Variants in TSC2 observed in about 807,000 individuals in gnomAD.
The protein encoded by TSC2 is TSC complex subunit 2, also known as tuberin.
TSC2 carries 29 observed loss-of-function variants against 202.2 expected under a neutral mutation model. The observed-to-expected ratio is 0.14, with a 90% CI of 0.11 to 0.20. The LOEUF is 0.20. TSC2 is among the 10% of genes least tolerant of loss of function. The pLI, the probability that TSC2 is intolerant of heterozygous loss-of-function variation, is 1.00. For missense variants in TSC2, 2,429 were observed against 2,420.0 expected (o/e 1.00, Z -0.08); for synonymous variants, 1,349 against 1,044.0 (o/e 1.29, Z -5.63).
chr16:2,078,602 C>T lies in TSC2; in HGVS notation c.2967-430C>T, dbSNP rs181932241. 1,035 of 279,202 alleles carry T rather than the reference C, an allele frequency of 3.7e-3. 7 individuals carry two copies. The highest frequency in any genetic ancestry group is 0.021 in the African/African-American group (958 of 45,384). 17.3% of individuals were successfully genotyped at this position (279,202 alleles called of 1,614,324 possible). On this transcript the variant is annotated intron_variant, in intron 26 of 41. Coordinates refer to ENST00000219476, the MANE Select transcript of TSC2 (RefSeq NM_000548.5). ...TGGAGCTCAGGCAGCCGCTCGCCTG[C>T]CTGAGGGTGACGGTGGAAGGCCACA... is the stretch of plus-strand genomic sequence containing the variant.
rs746246149 is a variant in TSC2, at chr16:2,084,977, C to A, written c.4520C>A (p.Ser1507Tyr). Reference protein sequence around the residue: ...PSFVFLQLYHSPFFGDESNKP... With the variant: ...PSFVFLQLYHYPFFGDESNKP... ...TTCGTGTTCCTGCAGCTCTACCATT[C>A]CCCCTTCTTTGGCGACGAGTCAAAC... The change falls in exon 35 of 42, where the codon TCC becomes TAC. Residue 1507 changes from serine to tyrosine, a missense_variant. By Grantham distance (144) the Ser-to-Tyr change is moderately radical. Coordinates refer to ENST00000219476, the MANE Select transcript of TSC2 (RefSeq NM_000548.5). The A allele has an allele frequency of 1.1e-5, 17 of 1,613,238 alleles. No individual in the cohort carries two copies. In the African/African-American group the frequency reaches 1.7e-4, roughly 16 times the overall value.
chr16:2,063,961 G>T (rs1030532449), intron 14 of TSC2: 3 of 479,518 alleles, frequency 6.3e-6, no homozygotes, highest in South Asian at 2.0e-5. Flanking sequence ...TGTGGGAGGG[G>T]TTCTCGGCTG....
rs2088701360 is a variant in TSC2, at chr16:2,072,952, C to G, written c.2324C>G (p.Ser775Cys). The G allele has an allele frequency of 2.5e-6, 4 of 1,613,618 alleles. No homozygotes were observed. Among genetic ancestry groups the G allele is most frequent in the Non-Finnish European group, 3.4e-6 (4 of 1,180,044 alleles). ...GTTCCAGTGCTGACAGCATTAATCT[C>G]TTACCATAACTACCTGGACAAAACC... ...AVVPVLTALISYHNYLDKTKQ... is the reference protein window; with the variant it reads ...AVVPVLTALICYHNYLDKTKQ... Residue 775 changes from serine to cysteine, a missense_variant, in exon 21 of 42, where the codon TCT (serine) becomes TGT (cysteine). Ser to Cys is a moderately radical substitution (Grantham distance 112). Coordinates refer to ENST00000219476, the MANE Select transcript of TSC2 (RefSeq NM_000548.5).
chr16:2,079,454 G>A lies in TSC2; in HGVS notation c.3284+26G>A, dbSNP rs200000801. 1.1e-4 allele frequency: 173 copies of A among 1,612,208 alleles called. No individual in the cohort carries two copies. Among genetic ancestry groups the A allele is most frequent in the Middle Eastern group, 1.6e-4 (1 of 6,080 alleles). ...GTGACTGCACCTTCCTTTCCTCCGC[G>A]CCTGCCAGCCTCGACACCGGCTGTC... is the stretch of plus-strand genomic sequence containing the variant. On this transcript the variant is annotated intron_variant, in intron 28 of 41. Transcript: ENST00000219476. The surrounding 1 kb of genome is among the most constrained non-coding windows in gnomAD (Gnocchi z 4.6).
chr16:2,068,576 A>G (rs1026267426), intron 16 of TSC2: 10 of 152,288 alleles, frequency 6.6e-5, no homozygotes, highest in African/African-American at 2.4e-4. Flanking sequence ...GCTAGAGAAA[A>G]GCAAATGCTG....
At chr16:2,087,825 G>A (rs777681250) in intron 38 of TSC2, 38 bp from the exon 39 acceptor site, 30 of 1,604,708 alleles carry the variant, frequency 1.9e-5, no homozygotes, top group Admixed American at 5.0e-5. Context: ...TTCAGCACAC[G>A]CTGTGTGCGG....
rs1237081178 is a variant in TSC2 at position 2,056,641 on chromosome 16, C to T, written c.649-3C>T. 1.9e-6 allele frequency: 3 copies of T among 1,610,086 alleles called. No homozygotes were observed. Among genetic ancestry groups the T allele is most frequent in the South Asian group, 2.2e-5 (2 of 91,074 alleles). On this transcript the variant is annotated splice_region_variant and splice_polypyrimidine_tract_variant and intron_variant, in intron 7 of 41. Coordinates refer to ENST00000219476, the MANE Select transcript of TSC2 (RefSeq NM_000548.5). The stretch of plus-strand genomic sequence containing the variant: ...GGGCGTGAGCCGTCTCCCTCTCCAC[C>T]AGGTCTCCCTGCAGGTGCTGGACGC...
rs1272253151 is a variant in TSC2 at position 2,065,760 on chromosome 16, T to C, written c.1716+125T>C. ...ACACCCTCCCTGGATTTGCTGAGGG[T>C]GCGGTGGTCTCAGCAGGCAGCAGAA... On this transcript the variant is annotated intron_variant, in intron 16 of 41. Transcript: ENST00000219476. The C allele has an allele frequency of 4.7e-6, 4 of 857,138 alleles. No individual in the cohort carries two copies. In the African/African-American group the frequency reaches 5.0e-5, roughly 11 times the overall value. The allele number at this position is 857,138 out of a possible 1,614,324, so 53.1% of individuals were successfully genotyped here.
chr16:2,077,425 C>T (rs983097153), intron 25 of TSC2, 173 bp from the exon 26 acceptor site: 13 of 911,274 alleles, frequency 1.4e-5, no homozygotes, highest in South Asian at 3.1e-5. Flanking sequence ...TTTTCTGTCT[C>T]TTCCCCGCTA....
chr16:2,069,801 G>T (rs2087979989), intron 16 of TSC2, among the ~76,000 whole-genome samples: 1 of 151,750 alleles, frequency 6.6e-6, no homozygotes, highest in Admixed American at 6.6e-5. Context: ...TTTTAGTAGA[G>T]ATGGGCTTTC....
At chr16:2,074,094 C>G in intron 21 of TSC2, 106 bp from the exon 22 acceptor site, 7 of 1,460,698 alleles carry the variant, frequency 4.8e-6, no homozygotes, top group South Asian at 2.4e-5. Context: ...CAGGGACTTG[C>G]TAAGCCTCGG....
rs1036506958 is a variant in TSC2, at chr16:2,058,934, C to A, written c.975+61C>A. The A allele has an allele frequency of 7.6e-6, 12 of 1,571,256 alleles. No individual in the cohort carries two copies. The Admixed American group carries it at 1.7e-4, about 22-fold the overall frequency. The stretch of plus-strand genomic sequence containing the variant: ...ACGGGAGAGCTCCCCTCACGCCTGC[C>A]CACCCATCCCACTGGGGGTCCTGCT... On this transcript the variant is annotated intron_variant, in intron 10 of 41. Coordinates refer to ENST00000219476, the MANE Select transcript of TSC2 (RefSeq NM_000548.5).
At chr16:2,057,621 G>C (rs1244761735) in intron 9 of TSC2, among the ~76,000 whole-genome samples, 1 of 152,068 alleles carries the variant, frequency 6.6e-6, no homozygotes, top group South Asian at 2.1e-4. Context: ...GTATCCATCC[G>C]CGCCTCCTGA....
Position 2,048,050 on chromosome 16 carries a change from G to T in TSC2, c.-45G>T, listed in dbSNP as rs947662369. ...TCCGCGTCGGGGCGGCCCGGAGCGC[G>T]GTGGCGCGGCGCGGGGTAAGTGGCG... is the stretch of plus-strand genomic sequence containing the variant. On this transcript the variant is annotated 5_prime_UTR_variant, in exon 1 of 42. Transcript: ENST00000219476. The T allele has an allele frequency of 2.1e-4, 303 of 1,424,744 alleles. No homozygotes were observed. Among genetic ancestry groups the T allele is most frequent in the Non-Finnish European group, 2.7e-4 (292 of 1,096,888 alleles). The allele number at this position is 1,424,744 out of a possible 1,614,324, so 88.3% of individuals were successfully genotyped here. A position where few individuals can be genotyped will look rare whatever the true frequency, so the allele number is the denominator to read the frequency against.
intron 1 of TSC2, chr16:2,048,383 T>C: frequency 1.2e-6 from 1 of 845,568 alleles, no homozygotes; most frequent in Non-Finnish European, 2.0e-6. Flanking sequence ...GAGAGCTCTC[T>C]AGACCAGGCC....
chr16:2,065,547 C>T lies in TSC2; in HGVS notation c.1628C>T (p.Pro543Leu), dbSNP rs45517188. 4.2e-5 allele frequency: 68 copies of T among 1,613,670 alleles called. No individual in the cohort carries two copies. Among genetic ancestry groups the T allele is most frequent in the Admixed American group, 1.7e-4 (10 of 59,996 alleles). ...ATGGCCCGCTCCCTCTCCCCACCCCCGGAGCTGGAAGAAAGGGATGTGGCC... is the reference window on the plus strand; with the variant it reads ...ATGGCCCGCTCCCTCTCCCCACCCCTGGAGCTGGAAGAAAGGGATGTGGCC... ...KVMARSLSPP[P>L]ELEERDVAAY... is the part of the protein sequence containing the mutation. The change falls in exon 16 of 42, where the codon CCG (proline) becomes CTG (leucine). Residue 543 changes from proline to leucine, a missense_variant. Physicochemically the swap from Pro to Leu is moderately conservative, Grantham distance 98 (BLOSUM62 -3). Transcript: ENST00000219476.
intron 2 of TSC2, 72 bp from the exon 3 acceptor site, chr16:2,050,328 G>A (rs909170338): frequency 7.3e-7 from 1 of 1,369,838 alleles, no homozygotes; most frequent in South Asian, 1.2e-5. Context: ...GTCTTTAGGT[G>A]GTTTGTGACT....
In TSC2 at chr16:2,085,244, G is replaced by T. The variant is rs199848388; in HGVS notation, c.4584G>T (p.Glu1528Asp). Reference protein sequence around the residue: ...ILLPNESQSFERSVQLLDQIP... With the variant: ...ILLPNESQSFDRSVQLLDQIP... ...GTGTGCCACAGTCACAGTCCTTTGA[G>T]CGGTCGGTGCAGCTCCTCGACCAGA... The change falls in exon 36 of 42, where the codon GAG becomes GAT. Residue 1528 changes from glutamate (E) to aspartate (D), a missense_variant. Transcript: ENST00000219476. 2 of 1,612,762 alleles carry T rather than the reference G, an allele frequency of 1.2e-6. No individual in the cohort carries two copies. The highest frequency in any genetic ancestry group is 1.7e-6 in the Non-Finnish European group (2 of 1,179,942).
At chr16:2,084,812 C>T (rs1007132920) in intron 34 of TSC2, 97 bp downstream of exon 34, 88 of 1,597,798 alleles carry the variant, frequency 5.5e-5, no homozygotes, top group Non-Finnish European at 6.5e-5. Flanking sequence ...GTGGGGTCCT[C>T]GCCTGTGCCC....
Sources: gnomAD v4.1 joint callset for allele counts (sites outside exome capture counted in the v4.1 genomes callset) on GRCh38, gnomAD v4.1.1 for gene constraint, Gnocchi (gnomAD v3.1) non-coding constraint, MANE v1.5 for transcripts, NCBI Gene and HGNC (gene_info 2026-07-23, HGNC 2026-07-21) for gene names.